The following CFAP99 variants were observed in gnomAD, a reference collection of about 807,000 sequenced individuals.
CFAP99 encodes the protein cilia and flagella associated protein 99, also known as cilia- and flagella-associated protein 99.
CFAP99 carries 84 observed loss-of-function variants against 82.7 expected under a neutral mutation model. The ratio of observed to expected loss-of-function variants is 1.02; its 90% CI spans 0.85 to 1.22. CFAP99 has a LOEUF of 1.22. Among genes scored for constraint, CFAP99 ranks in the 50% most tolerant of loss-of-function variants. The probability of loss-of-function intolerance (pLI) is 0.00; values close to 1 mark genes in which losing one functional copy is unlikely to be tolerated. For synonymous variants in CFAP99, 456 were observed against 429.5 expected, an observed-to-expected ratio of 1.06 and a Z score of -0.76; for missense variants, 1,059 against 983.5, an observed-to-expected ratio of 1.08 and a Z score of -1.03.
In CFAP99 at chr4:2,424,311, C is replaced by T. The variant is rs569700280; in HGVS notation, c.-17-2148C>T. Among the ~76,000 whole-genome samples the T allele has an allele frequency of 3.9e-5, 6 of 152,242 alleles. No homozygotes were observed. In the South Asian group the frequency reaches 1.2e-3, roughly 32 times the overall value. On this transcript the variant is annotated intron_variant, in intron 1 of 14. Coordinates refer to ENST00000635017, the Ensembl canonical transcript of CFAP99. The stretch of plus-strand genomic sequence containing the variant: ...GCTATACAAAAATACAAAAAATAGC[C>T]ACATGGTGGTGGGTGCCTGTAATCC...
At chr4:2,453,935 T>G (rs10001516) in intron 11 of CFAP99, among the ~76,000 whole-genome samples, 30,174 of 151,556 alleles carry the variant, frequency 0.2, 3,120 homozygotes, top group South Asian at 0.26. Context: ...TGCCTCAGTC[T>G]CCTGAGTAGC....
intron 11 of CFAP99, among the ~76,000 whole-genome samples, chr4:2,457,153 T>C (rs975994296): frequency 1.2e-4 from 18 of 151,894 alleles, no homozygotes; most frequent in Admixed American, 2.6e-4. Context: ...GGTCTCACTA[T>C]GTTGGTCTCA....
exon 3 of CFAP99, chr4:2,436,891 G>A: frequency 6.5e-7 from 1 of 1,535,962 alleles, no homozygotes; most frequent in Non-Finnish European, 8.7e-7. Flanking sequence ...GCCCCCAGAA[G>A]CAGAGCTTTG....
rs1001656588 is a variant in CFAP99, at chr4:2,436,789, C to T, written c.112-85C>T. 5.2e-6 allele frequency: 6 copies of T among 1,154,900 alleles called. No homozygotes were observed. The African/African-American group carries it at 7.6e-5, about 15-fold the overall frequency. The allele number at this position is 1,154,900 out of a possible 1,614,324, so 71.5% of individuals were successfully genotyped here. On this transcript the variant is annotated intron_variant, in intron 2 of 14. Coordinates refer to ENST00000635017, the Ensembl canonical transcript of CFAP99. ...TTGCAGCCCCGGGGCCGCTCCACCC[C>T]TGCCTTTGCCCAAGTGTCCCACCCC... is the stretch of plus-strand genomic sequence containing the variant.
At chr4:2,458,945 C>G (rs1734505117) in intron 12 of CFAP99, 81 bp downstream of exon 12, 2 of 1,473,404 alleles carry the variant, frequency 1.4e-6, no homozygotes, top group Non-Finnish European at 1.8e-6. Context: ...CCTGAGTGAG[C>G]CACTATGGCT....
At chr4:2,454,907 C>G (rs1321160533) in intron 11 of CFAP99, among the ~76,000 whole-genome samples, 2 of 150,738 alleles carry the variant, frequency 1.3e-5, no homozygotes. Context: ...CAGGTGTGAG[C>G]CACCATGCCC....
Position 2,460,032 on chromosome 4 carries a change from C to T in CFAP99, c.1456-5C>T, listed in dbSNP as rs759608630. ...CAGCTTGGGGCCTCCCCTACCACCC[C>T]ACAGATCCCCGGCTACGGCCTGGAA... On this transcript the variant is annotated splice_polypyrimidine_tract_variant and splice_region_variant and intron_variant, in intron 13 of 14. Transcript: ENST00000635017. 1 of 1,535,662 alleles carries T rather than the reference C, an allele frequency of 6.5e-7. No individual in the cohort carries two copies. The highest frequency in any genetic ancestry group is 2.4e-5 in the East Asian group (1 of 40,920).
chr4:2,438,001 C>A, intron 3 of CFAP99, 69 bp from the exon 4 acceptor site: 2 of 948,444 alleles, frequency 2.1e-6, no homozygotes, highest in Non-Finnish European at 3.2e-6. Context: ...AGGCCTTCGG[C>A]TCCGGTCCCG....
At position 2,452,234 on chromosome 4, in the gene CFAP99, C is replaced by CTGCAAGCGAGTGCCGGCGGT. The variant is rs776338567; in HGVS notation, c.1056_1075dup (p.Gly359AlafsTer17). On this transcript the variant is annotated frameshift_variant, in exon 11 of 15. Coordinates refer to ENST00000635017, the Ensembl canonical transcript of CFAP99. LOFTEE classifies it high-confidence loss of function. ...GCGAAGGACCGGGAGGAGCAGCTGG[C>CTGCAAGCGAGTGCCGGCGGT]TGCAAGCGAGTGCCGGCGGTTGCAA... is the stretch of plus-strand genomic sequence containing the variant. 6.5e-7 allele frequency: 1 copy of CTGCAAGCGAGTGCCGGCGGT among 1,536,108 alleles called. No individual in the cohort carries two copies. The highest frequency in any genetic ancestry group is 1.2e-5 in the South Asian group (1 of 84,062).
Position 2,449,990 on chromosome 4 carries a change from C to A in CFAP99, c.780C>A (p.Cys260Ter). The change falls in exon 8 of 15, where the codon TGC becomes TGA. Residue 260 changes from cysteine to a stop codon, truncating the protein, a stop_gained. Transcript: ENST00000635017. LOFTEE classifies it high-confidence loss of function. ...TGCGCTGCGCCATGCCCAGGTCCTG[C>A]AGGGAGCGAGTGCAGGTACCGCCCA... 2 of 1,536,168 alleles carry A rather than the reference C, an allele frequency of 1.3e-6. No individual in the cohort carries two copies. The highest frequency in any genetic ancestry group is 1.7e-6 in the Non-Finnish European group (2 of 1,146,894).
chr4:2,459,323 G>A, intron 13 of CFAP99, 65 bp downstream of exon 13: 3 of 1,457,004 alleles, frequency 2.1e-6, no homozygotes, highest in Non-Finnish European at 2.7e-6. Context: ...GCCATGAGAG[G>A]CAGTTTCCAG....
At chr4:2,425,075 C>G (rs1733657070) in intron 1 of CFAP99, among the ~76,000 whole-genome samples, 1 of 152,202 alleles carries the variant, frequency 6.6e-6, no homozygotes, top group Non-Finnish European at 1.5e-5. Flanking sequence ...CCTTCCGTCT[C>G]CTGTTTATGT....
In CFAP99 at chr4:2,452,326, G is replaced by C. The variant is rs527291179; in HGVS notation, c.1141G>C (p.Val381Leu). ...CCTCATGCAGGAGAACAAGCAGAGG[G>C]TGGAGCAGCAGAAGGAGCAGGTGGG... The change falls in exon 11 of 15, where the codon GTG (valine) becomes CTG (leucine). Residue 381 changes from valine (V) to leucine (L), a missense_variant. Physicochemically the swap from Val to Leu is conservative, Grantham distance 32. Transcript: ENST00000635017. 5.4e-5 allele frequency: 83 copies of C among 1,534,842 alleles called. No homozygotes were observed. In the South Asian group the frequency reaches 8.5e-4, roughly 16 times the overall value.
intron 2 of CFAP99, among the ~76,000 whole-genome samples, chr4:2,435,824 C>T (rs988362021): frequency 4.9e-5 from 7 of 142,834 alleles, no homozygotes; most frequent in Non-Finnish European, 9.3e-5. Flanking sequence ...CTCAGGAGGC[C>T]GAGGTGGGAA....
At chr4:2,445,408 C>A (rs1185196295) in intron 6 of CFAP99, 100 bp downstream of exon 6, 4 of 1,077,068 alleles carry the variant, frequency 3.7e-6, no homozygotes, top group Non-Finnish European at 4.7e-6. Context: ...GGGCTCCCCC[C>A]AGGGCTGAGG....
intron 1 of CFAP99, among the ~76,000 whole-genome samples, chr4:2,423,737 A>G (rs991037386): frequency 2.6e-5 from 4 of 152,238 alleles, no homozygotes; most frequent in Non-Finnish European, 4.4e-5. Context: ...TCTAGATTTC[A>G]GCATCTGTGG....
intron 14 of CFAP99, among the ~76,000 whole-genome samples, 191 bp downstream of exon 14, chr4:2,460,433 T>C (rs887771107): frequency 6.6e-6 from 1 of 152,206 alleles, no homozygotes; most frequent in Non-Finnish European, 1.5e-5. Context: ...TGGTGCAAAA[T>C]TCTGCATCCA....
chr4:2,445,134 G>T, exon 6 of CFAP99: 1 of 1,352,600 alleles, frequency 7.4e-7, no homozygotes, highest in Non-Finnish European at 9.5e-7. Flanking sequence ...CTTCAAGATG[G>T]CAGCCAGAGG....
chr4:2,435,969 TGGGGAGCAGCTACTCAGGAGGCC>T (rs1156722997), intron 2 of CFAP99, among the ~76,000 whole-genome samples: 790 of 148,218 alleles, frequency 5.3e-3, no homozygotes, highest in Middle Eastern at 0.014. Context: ...GAGGCCGAGG[TGGGGAGCAGCTACTCAGGAGGCC>T]GAGGTGGGAA....
Sources: gnomAD v4.1 joint callset for allele counts (sites outside exome capture counted in the v4.1 genomes callset) on GRCh38, gnomAD v4.1.1 for gene constraint, MANE v1.5 for transcripts, NCBI Gene and HGNC (gene_info 2026-07-23, HGNC 2026-07-21) for gene names.